The following ZNF765 variants were observed in gnomAD, a reference collection of about 807,000 sequenced individuals.
ZNF765 encodes zinc finger protein 765.
A neutral mutation model predicts 44.7 loss-of-function variants in ZNF765; 37 were observed. That is an observed-to-expected ratio of 0.83 (90% CI 0.64 to 1.09). ZNF765 has a LOEUF of 1.09. ZNF765 is among the 50% of genes least tolerant of loss of function. ZNF765 has a pLI of 0.00. For synonymous variants in ZNF765, 201 were observed against 213.7 expected (o/e 0.94, Z 0.52); for missense variants, 594 against 626.1 (o/e 0.95, Z 0.55).
chr19:53,406,356 C>G (rs180992076), intron 3 of ZNF765, among the ~76,000 whole-genome samples: 1 of 151,934 alleles, frequency 6.6e-6, no homozygotes, highest in Admixed American at 6.6e-5. Flanking sequence ...CCTTATAATG[C>G]TGTGTATTTT....
chr19:53,414,562 C>T (rs895694398), downstream of ZNF765, among the ~76,000 whole-genome samples: 4 of 148,282 alleles, frequency 2.7e-5, no homozygotes, highest in Non-Finnish European at 5.9e-5. Flanking sequence ...ACTGCGGGCT[C>T]CCAGTGAAAA....
chr19:53,411,866 A>G lies in ZNF765; in HGVS notation c.*2739A>G, dbSNP rs1317858789. 2 of 152,242 alleles carry G rather than the reference A, an allele frequency of 1.3e-5. No homozygotes were observed. Among genetic ancestry groups the G allele is most frequent in the African/African-American group, 2.4e-5 (1 of 41,456 alleles). 9.4% of individuals were successfully genotyped at this position (152,242 alleles called of 1,614,324 possible). A position where few individuals can be genotyped will look rare whatever the true frequency, so the allele number is the denominator to read the frequency against. The stretch of plus-strand genomic sequence containing the variant: ...TTGTTAAAAGTATGGAAATTCAACT[A>G]ATTTTTGGTGCTGATACTGTATTGT... On this transcript the variant is annotated 3_prime_UTR_variant, in exon 4 of 4. Coordinates refer to ENST00000396408, the MANE Select transcript of ZNF765 (RefSeq NM_001040185.3).
intron 3 of ZNF765, among the ~76,000 whole-genome samples, chr19:53,403,229 A>G (rs538635407): frequency 6.6e-6 from 1 of 152,290 alleles, no homozygotes; most frequent in Non-Finnish European, 1.5e-5. Flanking sequence ...CTTGTAGACA[A>G]CATGTAGTTG....
chr19:53,400,783 T>TATATATATATATATATAC (rs10664389), intron 2 of ZNF765, among the ~76,000 whole-genome samples: 3,530 of 126,484 alleles, frequency 0.028, 60 homozygotes, highest in Middle Eastern at 0.038. Flanking sequence ...TATATATATA[T>TATATATATATATATATAC]ACACACATAC....
In ZNF765 at chr19:53,410,582, AACTTT is replaced by A. The variant is rs2085824386; in HGVS notation, c.*1460_*1464del. 6.7e-6 allele frequency: 3 copies of A among 446,448 alleles called. No homozygotes were observed. The highest frequency in any genetic ancestry group is 2.6e-5 in the Admixed American group (1 of 38,436). 27.7% of individuals were successfully genotyped at this position (446,448 alleles called of 1,614,324 possible). On this transcript the variant is annotated 3_prime_UTR_variant, in exon 4 of 4. Coordinates refer to ENST00000396408, the MANE Select transcript of ZNF765 (RefSeq NM_001040185.3). ...CATCAGGCAATCCATGGTGTAGGGA[AACTTT>A]ACTTATGTAATGATTGTCACAAAGT...
At chr19:53,416,848 C>T (rs1844813991), downstream of ZNF765, among the ~76,000 whole-genome samples, 1 of 151,314 alleles carries the variant, frequency 6.6e-6, no homozygotes, top group Middle Eastern at 3.4e-3. Flanking sequence ...GACCAAGTCT[C>T]GCTCTGTAGC....
rs35520888 is a variant in ZNF765 at position 53,400,763 on chromosome 19, C to CATATATATATATATATATATAT, written c.16-1281_16-1280insTATATATATATATATATATATA. Among the ~76,000 whole-genome samples the CATATATATATATATATATATAT allele has an allele frequency of 8.0e-3, 928 of 115,886 alleles. 32 individuals carry two copies. Among genetic ancestry groups the CATATATATATATATATATATAT allele is most frequent in the Middle Eastern group, 0.021 (4 of 188 alleles). 76.0% of individuals were successfully genotyped at this position (115,886 alleles called of 152,430 possible). The stretch of plus-strand genomic sequence containing the variant: ...CTGTGTAGGTTTCATTATTTGTTGA[C>CATATATATATATATATATATAT]ATATATATATATATATATATACACA... On this transcript the variant is annotated intron_variant, in intron 2 of 3. Coordinates refer to ENST00000396408, the MANE Select transcript of ZNF765 (RefSeq NM_001040185.3).
rs138376970 is a variant in ZNF765 at position 53,406,883 on chromosome 19, C to T, written c.143-815C>T. Among the ~76,000 whole-genome samples the T allele has an allele frequency of 9.8e-3, 1,491 of 152,136 alleles. 5 individuals are homozygous for T. The highest frequency in any genetic ancestry group is 0.016 in the Non-Finnish European group (1,079 of 68,004). On this transcript the variant is annotated intron_variant, in intron 3 of 3. Coordinates refer to ENST00000396408, the MANE Select transcript of ZNF765 (RefSeq NM_001040185.3). ...TGAGCTGAGATCGGGCCATTGAACT[C>T]CAGGCGGTTGTGACAGAGTGAAACT...
downstream of ZNF765, among the ~76,000 whole-genome samples, chr19:53,412,920 G>C (rs1260716037): frequency 2.0e-5 from 3 of 151,814 alleles, no homozygotes; most frequent in South Asian, 6.3e-4. Flanking sequence ...GAACAGGCTG[G>C]TTAACATGGT....
chr19:53,419,295 A>C (rs1239711702), intron 3 of ZNF765, among the ~76,000 whole-genome samples: 1 of 152,194 alleles, frequency 6.6e-6, no homozygotes, highest in Non-Finnish European at 1.5e-5. Context: ...AATGATTGGG[A>C]TAAATCTACA....
chr19:53,407,767 C>A lies in ZNF765; in HGVS notation c.212C>A (p.Ala71Glu). The A allele has an allele frequency of 6.2e-7, 1 of 1,607,626 alleles. No homozygotes were observed. Among genetic ancestry groups the A allele is most frequent in the Non-Finnish European group, 8.5e-7 (1 of 1,177,114 alleles). ...TAQGNREVFH[A>E]GTSQRHESHH... Reference sequence around the variant, plus strand: ...CAAGGCAATAGAGAAGTGTTCCATGCAGGGACATCTCAAAGACATGAAAGT... The same window carrying A: ...CAAGGCAATAGAGAAGTGTTCCATGAAGGGACATCTCAAAGACATGAAAGT... The change falls in exon 4 of 4, where the codon GCA (alanine) becomes GAA (glutamate). Residue 71 changes from alanine (A) to glutamate (E), a missense_variant. By Grantham distance (107) the Ala-to-Glu change is moderately radical. This residue lies in a region of ZNF765 where 567 missense variants were observed against 572.6 expected (regional missense o/e 0.99). Transcript: ENST00000396408.
In ZNF765 at chr19:53,408,885, G is replaced by A. The variant is rs1489823443; in HGVS notation, c.1330G>A (p.Asp444Asn). Reference sequence around the variant, plus strand: ...GAAACCTTACAAATGTGAAGAATGTGACAAAGCCTACAGTTTCAAATCAAA... The same window carrying A: ...GAAACCTTACAAATGTGAAGAATGTAACAAAGCCTACAGTTTCAAATCAAA... ...GEKPYKCEEC[D>N]KAYSFKSNLE... The change falls in exon 4 of 4, where the codon GAC (aspartate) becomes AAC (asparagine). Residue 444 changes from aspartate to asparagine, a missense_variant. Asp to Asn is a conservative substitution (Grantham distance 23). Around this residue, in one of 2 missense-constraint regions of ZNF765, gnomAD observed 567 missense variants for 572.6 expected, o/e 0.99. Coordinates refer to ENST00000396408, the MANE Select transcript of ZNF765 (RefSeq NM_001040185.3). 1.9e-6 allele frequency: 3 copies of A among 1,613,674 alleles called. No individual in the cohort carries two copies. The highest frequency in any genetic ancestry group is 2.5e-6 in the Non-Finnish European group (3 of 1,179,942).
Position 53,408,465 on chromosome 19 carries a change from T to G in ZNF765, c.910T>G (p.Cys304Gly). 1 of 1,613,772 alleles carries G rather than the reference T, an allele frequency of 6.2e-7. No homozygotes were observed. Among genetic ancestry groups the G allele is most frequent in the South Asian group, 1.1e-5 (1 of 91,076 alleles). The stretch of plus-strand genomic sequence containing the variant: ...AGAGAAACCTTACAAATGTGAAGAA[T>G]GTGACAAAGCTTTCCATTTCAAATC... The part of the protein sequence containing the change: ...TGEKPYKCEE[C>G]DKAFHFKSKL... Residue 304 changes from cysteine to glycine, a missense_variant, in exon 4 of 4, where the codon TGT becomes GGT. By Grantham distance (159) the Cys-to-Gly change is radical (BLOSUM62 -3). Transcript: ENST00000396408.
At chr19:53,402,707 A>G (rs1334405750) in intron 3 of ZNF765, among the ~76,000 whole-genome samples, 4 of 151,998 alleles carry the variant, frequency 2.6e-5, no homozygotes, top group Admixed American at 2.0e-4. Context: ...GTACAGGTGC[A>G]TGCCACCATG....
intron 3 of ZNF765, chr19:53,422,925 G>T: frequency 1.4e-6 from 1 of 715,190 alleles, no homozygotes; most frequent in Non-Finnish European, 2.6e-6. Flanking sequence ...AAGGTCCACA[G>T]ATTTGATGAT....
At chr19:53,419,061 G>A (rs573539278) in intron 3 of ZNF765, among the ~76,000 whole-genome samples, 2 of 152,222 alleles carry the variant, frequency 1.3e-5, no homozygotes, top group East Asian at 1.9e-4. Context: ...GTTGGGGACT[G>A]TAGACCCTAT....
rs1342424584 is a variant in ZNF765, at chr19:53,410,126, A to T, written c.*999A>T. 2 of 444,522 alleles carry T rather than the reference A, an allele frequency of 4.5e-6. No individual in the cohort carries two copies. The highest frequency in any genetic ancestry group is 9.2e-6 in the Non-Finnish European group (2 of 217,924). The allele number at this position is 444,522 out of a possible 1,614,324, so 27.5% of individuals were successfully genotyped here. A position where few individuals can be genotyped will look rare whatever the true frequency, so the allele number is the denominator to read the frequency against. On this transcript the variant is annotated 3_prime_UTR_variant, in exon 4 of 4. Coordinates refer to ENST00000396408, the MANE Select transcript of ZNF765 (RefSeq NM_001040185.3). ...GAATGTGATGAAGCTTTCAGATTCAAATCAAACCTTGATAGTCATAGAATT... is the reference window on the plus strand; with the variant it reads ...GAATGTGATGAAGCTTTCAGATTCATATCAAACCTTGATAGTCATAGAATT...
At position 53,407,681 on chromosome 19, in the gene ZNF765, G is replaced by T; in HGVS notation, c.143-17G>T. 1 of 1,513,312 alleles carries T rather than the reference G, an allele frequency of 6.6e-7. No homozygotes were observed. The highest frequency in any genetic ancestry group is 1.4e-5 in the South Asian group (1 of 73,052). The allele number at this position is 1,513,312 out of a possible 1,614,324, so 93.7% of individuals were successfully genotyped here. On this transcript the variant is annotated splice_polypyrimidine_tract_variant and intron_variant, in intron 3 of 3. Coordinates refer to ENST00000396408, the MANE Select transcript of ZNF765 (RefSeq NM_001040185.3). ...TCTGTACTTAATTTGAAACCTTTTG[G>T]TGTGTATACTTTTTAGATATCTCTT...
At chr19:53,415,623 T>C (rs909263917), downstream of ZNF765, among the ~76,000 whole-genome samples, 1 of 152,210 alleles carries the variant, frequency 6.6e-6, no homozygotes, top group African/African-American at 2.4e-5. Flanking sequence ...ACAGCACTCA[T>C]TTATTTTCTC....
Sources: gnomAD v4.1 joint callset for allele counts (sites outside exome capture counted in the v4.1 genomes callset) on GRCh38, gnomAD v4.1.1 for gene constraint, gnomAD v4.1.1 regional missense constraint, MANE v1.5 for transcripts, NCBI Gene and HGNC (gene_info 2026-07-23, HGNC 2026-07-21) for gene names.